CDH18: variants seen among roughly 807,000 people sequenced by gnomAD.
The protein encoded by CDH18 is cadherin-18.
A neutral mutation model predicts 67.9 loss-of-function variants in CDH18; 31 were observed. The ratio of observed to expected loss-of-function variants is 0.46; its 90% confidence interval spans 0.34 to 0.62. The LOEUF is 0.62. CDH18 is among the 20% of genes least tolerant of loss of function. The probability of loss-of-function intolerance (pLI) is 0.01; values close to 1 mark genes in which losing one functional copy is unlikely to be tolerated. For missense variants in CDH18, 890 were observed against 975.5 expected (o/e 0.91, Z 1.17); for synonymous variants, 362 against 347.2 (o/e 1.04, Z -0.48).
chr5:19,531,915 A>G (rs1250468538), intron 9 of CDH18, among the ~76,000 whole-genome samples: 1 of 152,212 alleles, frequency 6.6e-6, no homozygotes, highest in Admixed American at 6.5e-5. Context: ...CATTCTCATT[A>G]CATTTGAAAA....
intron 2 of CDH18, among the ~76,000 whole-genome samples, chr5:20,084,833 A>G (rs901663783): frequency 7.2e-5 from 11 of 152,246 alleles, no homozygotes; most frequent in African/African-American, 2.6e-4. Context: ...GATGCAGGAT[A>G]CCAAGTCCCT....
chr5:19,940,804 C>A (rs1164773174), intron 2 of CDH18, among the ~76,000 whole-genome samples: 2 of 152,018 alleles, frequency 1.3e-5, no homozygotes, highest in Non-Finnish European at 2.9e-5. Context: ...GCACTTACCA[C>A]CAACAACAAT....
At chr5:20,277,945 G>A (rs1745928506) in intron 1 of CDH18, among the ~76,000 whole-genome samples, 1 of 152,130 alleles carries the variant, frequency 6.6e-6, no homozygotes, top group Non-Finnish European at 1.5e-5. Flanking sequence ...CTTGAAGACA[G>A]GTTATTTGAA....
intron 1 of CDH18, among the ~76,000 whole-genome samples, chr5:19,985,665 T>C (rs773105484): frequency 1.8e-4 from 28 of 151,920 alleles, no homozygotes; most frequent in Non-Finnish European, 3.5e-4. Flanking sequence ...AAATGCAGTA[T>C]TATAGATATG....
intron 3 of CDH18, among the ~76,000 whole-genome samples, chr5:19,836,959 C>T (rs1434857739): frequency 1.3e-5 from 2 of 152,098 alleles, no homozygotes; most frequent in Admixed American, 1.3e-4. Flanking sequence ...CACTTGCACA[C>T]CTATGTTTAT....
intron 2 of CDH18, among the ~76,000 whole-genome samples, chr5:19,895,214 A>G (rs1789178588): frequency 6.6e-6 from 1 of 152,162 alleles, no homozygotes; most frequent in Admixed American, 6.6e-5. Flanking sequence ...CCTGAGAAGA[A>G]ACTTGAGCTG....
chr5:20,254,056 T>G (rs192492358), intron 2 of CDH18, among the ~76,000 whole-genome samples: 1 of 152,130 alleles, frequency 6.6e-6, no homozygotes, highest in Non-Finnish European at 1.5e-5. Context: ...GTAGTAGACA[T>G]TTCACCAAAA....
At chr5:20,103,436 A>T (rs936998695) in intron 2 of CDH18, among the ~76,000 whole-genome samples, 1 of 152,216 alleles carries the variant, frequency 6.6e-6, no homozygotes, top group African/African-American at 2.4e-5. Context: ...AGATATATAC[A>T]TAAAAATATA....
At chr5:20,321,390 G>C (rs13184191) in intron 1 of CDH18, among the ~76,000 whole-genome samples, 2,040 of 152,136 alleles carry the variant, frequency 0.013, 24 homozygotes, top group Admixed American at 0.021. Context: ...ATGAGAATTA[G>C]TATCTATTGT....
chr5:20,482,849 T>C (rs1027107254), intron 1 of CDH18, among the ~76,000 whole-genome samples: 2 of 152,088 alleles, frequency 1.3e-5, no homozygotes, highest in Non-Finnish European at 2.9e-5. Flanking sequence ...AAGCCTCTCC[T>C]GCATGATCTC....
intron 2 of CDH18, among the ~76,000 whole-genome samples, chr5:20,000,444 C>A (rs1252732429): frequency 6.6e-6 from 1 of 152,094 alleles, no homozygotes; most frequent in South Asian, 2.1e-4. Context: ...AGTTTTATAG[C>A]TTGATCCTGG....
At chr5:20,438,323 T>C (rs971968731) in intron 1 of CDH18, among the ~76,000 whole-genome samples, 2 of 150,986 alleles carry the variant, frequency 1.3e-5, no homozygotes, top group Admixed American at 6.6e-5. Flanking sequence ...ATAGAATAAA[T>C]GAACAGCAAA....
intron 1 of CDH18, among the ~76,000 whole-genome samples, chr5:20,286,458 A>G (rs1580669719): frequency 6.6e-6 from 1 of 151,744 alleles, no homozygotes; most frequent in South Asian, 2.1e-4. Flanking sequence ...ACCATCATGC[A>G]TATATTTTAA....
intron 10 of CDH18, among the ~76,000 whole-genome samples, chr5:19,518,831 A>G (rs78839465): frequency 6.6e-6 from 1 of 152,166 alleles, no homozygotes; most frequent in Non-Finnish European, 1.5e-5. Flanking sequence ...GTGTGAGTCA[A>G]TACTCCTTAA....
At chr5:19,621,599 T>C (rs185521328) in intron 5 of CDH18, among the ~76,000 whole-genome samples, 3 of 152,158 alleles carry the variant, frequency 2.0e-5, no homozygotes, top group African/African-American at 7.2e-5. Context: ...TGATCTTACT[T>C]ATATGAGGAA....
chr5:20,300,104 G>A (rs1361523960), intron 1 of CDH18, among the ~76,000 whole-genome samples: 3 of 151,904 alleles, frequency 2.0e-5, no homozygotes, highest in Non-Finnish European at 4.4e-5. Context: ...TCAAGTCTGC[G>A]ACACAATGCT....
At chr5:20,023,080 G>A (rs1394942988) in intron 2 of CDH18, among the ~76,000 whole-genome samples, 2 of 151,986 alleles carry the variant, frequency 1.3e-5, no homozygotes, top group Admixed American at 6.6e-5. Context: ...ACCTAATAGA[G>A]TATGTTTTCT....
In CDH18 at chr5:19,927,398, G is replaced by A. The variant is rs1045348609; in HGVS notation, c.-257+53662C>T. On this transcript the variant is annotated intron_variant, in intron 2 of 12. Coordinates refer to ENST00000382275, the MANE Select transcript of CDH18 (RefSeq NM_004934.5). Reference sequence around the variant, plus strand: ...GCCCTCACTTAAAAGATGAGGTTACGCAACCTGCCAAATTCAAAAAGCTTC... The same window carrying A: ...GCCCTCACTTAAAAGATGAGGTTACACAACCTGCCAAATTCAAAAAGCTTC... Among the ~76,000 whole-genome samples the A allele has an allele frequency of 1.2e-3, 179 of 152,140 alleles. 1 individual carries two copies. The highest frequency in any genetic ancestry group is 3.7e-3 in the African/African-American group (152 of 41,524).
At chr5:19,994,924 C>A (rs1735882643) in intron 2 of CDH18, among the ~76,000 whole-genome samples, 1 of 144,306 alleles carries the variant, frequency 6.9e-6, no homozygotes, top group African/African-American at 2.6e-5. Flanking sequence ...ATTACGGAGG[C>A]TAAGAGGTCC....
Sources: allele counts gnomAD v4.1 joint callset (sites outside exome capture counted in the v4.1 genomes callset), GRCh38; gene constraint gnomAD v4.1.1; transcripts MANE v1.5; gene names NCBI Gene and HGNC (gene_info 2026-07-23, HGNC 2026-07-21).